The following HS6ST2 variants were observed in gnomAD, a reference collection of about 807,000 sequenced individuals.
HS6ST2 encodes heparan-sulfate 6-O-sulfotransferase 2.
HS6ST2 carries 17 observed loss-of-function variants against 33.0 expected under a neutral mutation model. That is an observed-to-expected ratio of 0.52 (90% CI 0.35 to 0.77). The LOEUF (loss-of-function observed/expected upper bound fraction) is 0.77. HS6ST2 is among the 30% of genes least tolerant of loss of function. The pLI, the probability that HS6ST2 is intolerant of heterozygous loss-of-function variation, is 0.01. For missense variants in HS6ST2, 519 were observed against 551.7 expected, an observed-to-expected ratio of 0.94 and a Z score of 0.59; for synonymous variants, 248 against 237.1, an observed-to-expected ratio of 1.05 and a Z score of -0.42.
At chrX:132,722,187 C>CAAAAAAAA (rs1217492848) in intron 2 of HS6ST2, among the ~76,000 whole-genome samples, 2 of 44,297 alleles carry the variant, frequency 4.5e-5, no homozygotes, top group Non-Finnish European at 8.0e-5. Context: ...GACTCCGTCT[C>CAAAAAAAA]AAAAAAAAAA....
intron 2 of HS6ST2, among the ~76,000 whole-genome samples, chrX:132,767,589 T>C (rs1265811070): frequency 9.0e-6 from 1 of 111,248 alleles, no homozygotes; most frequent in East Asian, 2.8e-4. Flanking sequence ...TTCTCCAAAC[T>C]AGAATCTAAG....
chrX:132,831,499 T>C (rs1187070779), intron 2 of HS6ST2, among the ~76,000 whole-genome samples: 1 of 111,091 alleles, frequency 9.0e-6, no homozygotes, highest in East Asian at 2.8e-4. Context: ...CCTCTGTAAG[T>C]CCCAGCCACT....
At chrX:132,716,504 TA>T (rs914849104) in intron 2 of HS6ST2, among the ~76,000 whole-genome samples, 2 of 111,655 alleles carry the variant, frequency 1.8e-5, no homozygotes, top group African/African-American at 6.5e-5. Flanking sequence ...AGTTGAGTTA[TA>T]AAAAAAATGT....
chrX:132,861,686 G>A (rs1328897084), intron 2 of HS6ST2, among the ~76,000 whole-genome samples: 2 of 112,047 alleles, frequency 1.8e-5, no homozygotes, highest in Non-Finnish European at 3.8e-5. Flanking sequence ...TTCCCCATAA[G>A]CTCAATCACT....
upstream of HS6ST2, among the ~76,000 whole-genome samples, chrX:132,960,129 C>G (rs1569507151): frequency 8.9e-6 from 1 of 112,208 alleles, no homozygotes; most frequent in African/African-American, 3.2e-5. Context: ...TGCGAAGAAG[C>G]CAGATGCAGT....
chrX:132,722,145 G>A (rs1318634334), intron 2 of HS6ST2, among the ~76,000 whole-genome samples: 1 of 93,106 alleles, frequency 1.1e-5, no homozygotes. Context: ...TGGAGATCGC[G>A]CCACTGCACT....
intron 2 of HS6ST2, among the ~76,000 whole-genome samples, chrX:132,791,652 TTTTTC>T (rs1261241469): frequency 5.4e-5 from 6 of 111,988 alleles, no homozygotes; most frequent in Non-Finnish European, 7.5e-5. Context: ...AGCAAAAAAG[TTTTTC>T]TTTTCTTTTT....
At chrX:132,909,217 T>C in intron 2 of HS6ST2, among the ~76,000 whole-genome samples, 1 of 112,025 alleles carries the variant, frequency 8.9e-6, no homozygotes, top group Admixed American at 9.5e-5. Context: ...AAAATATTTT[T>C]AAATGATTAT....
Position 132,628,580 on chromosome X carries a change from C to A in HS6ST2, c.1581G>T (p.Leu527Phe), listed in dbSNP as rs1201001788. 8.3e-7 allele frequency: 1 copy of A among 1,209,502 alleles called. No homozygotes were observed. The highest frequency in any genetic ancestry group is 1.8e-5 in the African/African-American group (1 of 57,008). Residue 527 changes from leucine to phenylalanine, a missense_variant, in exon 5 of 5, where the codon TTG becomes TTT. Transcript: ENST00000370833. ...IEGLNFLDME[L>F]YSYAKDLFLQ... ...AAAAAAGGTCTTTGGCATAGCTGTACAACTCCATATCCAGAAAATTCAGTC... is the reference window on the plus strand; with the variant it reads ...AAAAAAGGTCTTTGGCATAGCTGTAAAACTCCATATCCAGAAAATTCAGTC...
chrX:132,932,921 T>C (rs953317069), intron 2 of HS6ST2, among the ~76,000 whole-genome samples: 1 of 106,410 alleles, frequency 9.4e-6, no homozygotes, highest in African/African-American at 3.4e-5. Flanking sequence ...ATATATAATA[T>C]ATTTTTCTAT....
rs187742040 is a variant in HS6ST2, at chrX:132,763,390, A to T, written c.948-54896T>A. On this transcript the variant is annotated intron_variant, in intron 2 of 4. Transcript: ENST00000370833. The stretch of plus-strand genomic sequence containing the variant: ...AGTGGTATTCTCACTGGGCATTCCC[A>T]GAGAGAGGGAAACATTATGTTTAGC... 2.7e-5 allele frequency among the ~76,000 whole-genome samples: 3 copies of T among 112,697 alleles called. No individual in the cohort carries two copies. In the East Asian group the frequency reaches 8.3e-4, roughly 31 times the overall value.
At chrX:132,893,070 C>A (rs2066332537) in intron 2 of HS6ST2, among the ~76,000 whole-genome samples, 1 of 111,963 alleles carries the variant, frequency 8.9e-6, no homozygotes, top group East Asian at 2.8e-4. Context: ...AAATGTGGAA[C>A]CCACGGATAT....
At chrX:132,757,758 C>T (rs1398747475) in intron 2 of HS6ST2, among the ~76,000 whole-genome samples, 1 of 111,809 alleles carries the variant, frequency 8.9e-6, no homozygotes, top group Non-Finnish European at 1.9e-5. Flanking sequence ...GGCCAGGGGC[C>T]AAAATAAGAC....
At chrX:132,787,186 T>TATATATATATATATAC (rs1257971724) in intron 2 of HS6ST2, among the ~76,000 whole-genome samples, 3 of 77,160 alleles carry the variant, frequency 3.9e-5, no homozygotes, top group African/African-American at 5.9e-5. Context: ...TATATATATA[T>TATATATATATATATAC]ACATATATAT....
At chrX:132,714,289 T>C (rs1216001807) in intron 2 of HS6ST2, among the ~76,000 whole-genome samples, 1 of 111,102 alleles carries the variant, frequency 9.0e-6, no homozygotes, top group Non-Finnish European at 1.9e-5. Context: ...GGTGTTGGAC[T>C]AGCTGATTTC....
At chrX:132,739,878 C>G (rs1319464437) in intron 2 of HS6ST2, among the ~76,000 whole-genome samples, 3 of 111,650 alleles carry the variant, frequency 2.7e-5, no homozygotes, top group Non-Finnish European at 3.8e-5. Context: ...ATGTAATATT[C>G]TAGCCTATGA....
intron 4 of HS6ST2, among the ~76,000 whole-genome samples, chrX:132,646,902 AG>A (rs2063648935): frequency 8.9e-6 from 1 of 112,180 alleles, no homozygotes; most frequent in Non-Finnish European, 1.9e-5. Context: ...CAGTGTGTGC[AG>A]GGGGACTGCC....
At chrX:132,895,796 T>A (rs1367434279) in intron 2 of HS6ST2, among the ~76,000 whole-genome samples, 1 of 110,300 alleles carries the variant, frequency 9.1e-6, no homozygotes, top group Non-Finnish European at 1.9e-5. Context: ...TGGGTTCTAA[T>A]CTGTTGCCTT....
chrX:132,656,930 G>A (rs766958396), intron 4 of HS6ST2, among the ~76,000 whole-genome samples: 2 of 111,538 alleles, frequency 1.8e-5, no homozygotes, highest in Admixed American at 9.6e-5. Flanking sequence ...CACAGAGGAA[G>A]GACATGGTAA....
Sources: allele counts gnomAD v4.1 joint callset (sites outside exome capture counted in the v4.1 genomes callset), GRCh38; gene constraint gnomAD v4.1.1; transcripts MANE v1.5; gene names NCBI Gene and HGNC (gene_info 2026-07-23, HGNC 2026-07-21).